The following TAFAZZIN variants were observed in gnomAD, a reference collection of about 807,000 sequenced individuals.
TAFAZZIN encodes the protein tafazzin, phospholipid-lysophospholipid transacylase, also known as protein G4.5.
Under a neutral mutation model 27.3 loss-of-function variants are expected in TAFAZZIN, and 6 were observed. The observed-to-expected ratio is 0.22, with a 90% CI of 0.12 to 0.43. The LOEUF (loss-of-function observed/expected upper bound fraction) is 0.43. Among genes scored for constraint, TAFAZZIN ranks in the 20% least tolerant of loss-of-function variants. The pLI, the probability that TAFAZZIN is intolerant of heterozygous loss-of-function variation, is 1.00. For synonymous variants in TAFAZZIN, 79 were observed against 96.2 expected, an observed-to-expected ratio of 0.82 and a Z score of 1.04; for missense variants, 127 against 244.5, an observed-to-expected ratio of 0.52 and a Z score of 3.21.
rs782704003 is a variant in TAFAZZIN, at chrX:154,419,680, C to T, written c.542-25C>T. 2.6e-5 allele frequency: 31 copies of T among 1,211,077 alleles called. 1 individual carries two copies. The highest frequency in any genetic ancestry group is 2.2e-6 in the Non-Finnish European group (2 of 895,328). Reference sequence around the variant, plus strand: ...AGTATGAGCGGGATGGGCTCCCAAGCCTCGCCTCTGTGCTCTCTCACCAGG... The same window carrying T: ...AGTATGAGCGGGATGGGCTCCCAAGTCTCGCCTCTGTGCTCTCTCACCAGG... On this transcript the variant is annotated intron_variant, in intron 6 of 10. Coordinates refer to ENST00000601016, the MANE Select transcript of TAFAZZIN (RefSeq NM_000116.5).
intron 4 of TAFAZZIN, among the ~76,000 whole-genome samples, chrX:154,413,876 G>A (rs190654426): frequency 6.3e-5 from 7 of 111,595 alleles, no homozygotes; most frequent in Admixed American, 4.7e-4. Flanking sequence ...AGAACAGTGC[G>A]TTGTCATTGG....
intron 4 of TAFAZZIN, among the ~76,000 whole-genome samples, chrX:154,413,831 C>T (rs2068400318): frequency 9.0e-6 from 1 of 111,275 alleles, no homozygotes; most frequent in South Asian, 3.8e-4. Flanking sequence ...TATCCATAAC[C>T]CCTTCTCTCA....
rs782239744 is a variant in TAFAZZIN, at chrX:154,420,178, C to T, written c.647-34C>T. 12 of 1,211,223 alleles carry T rather than the reference C, an allele frequency of 9.9e-6. No homozygotes were observed. The South Asian group carries it at 2.1e-4, about 21-fold the overall frequency. ...TCTGGTCCCAGGCTGCCCTGCTCCA[C>T]CCCACGTCTGGCCTTCTGTCCACTG... On this transcript the variant is annotated intron_variant, in intron 8 of 10. Coordinates refer to ENST00000601016, the MANE Select transcript of TAFAZZIN (RefSeq NM_000116.5).
chrX:154,419,818 G>GC (rs1258269823), intron 7 of TAFAZZIN, 72 bp downstream of exon 7: 4 of 1,185,447 alleles, frequency 3.4e-6, no homozygotes, highest in Non-Finnish European at 4.6e-6. Context: ...CCTGGCTCCC[G>GC]CCCCCTCGGG....
chrX:154,419,626 C>G lies in TAFAZZIN; in HGVS notation c.541+3C>G, dbSNP rs1557193865. On this transcript the variant is annotated splice_donor_region_variant and intron_variant, in intron 6 of 10. Transcript: ENST00000601016. ...CTGGGTGCATATCTTCCCAGAAGGT[C>G]AGCAGGGCTGACTGGGTCGAGCCCC... 1 of 1,212,193 alleles carries G rather than the reference C, an allele frequency of 8.2e-7. No individual in the cohort carries two copies. The highest frequency in any genetic ancestry group is 1.1e-6 in the Non-Finnish European group (1 of 895,488).
chrX:154,411,791 G>T lies in TAFAZZIN; in HGVS notation c.-53G>T. Reference sequence around the variant, plus strand: ...CGGTCGAGGTCGCAGACCTAGAGGCGCCCCACAGGCCGGCCCGGGGCGCTG... The same window carrying T: ...CGGTCGAGGTCGCAGACCTAGAGGCTCCCCACAGGCCGGCCCGGGGCGCTG... On this transcript the variant is annotated 5_prime_UTR_variant, in exon 1 of 11. Coordinates refer to ENST00000601016, the MANE Select transcript of TAFAZZIN (RefSeq NM_000116.5). The T allele has an allele frequency of 9.1e-7, 1 of 1,095,929 alleles. No homozygotes were observed. The highest frequency in any genetic ancestry group is 1.2e-6 in the Non-Finnish European group (1 of 819,678). 90.3% of individuals were successfully genotyped at this position (1,095,929 alleles called of 1,213,427 possible). A position where few individuals can be genotyped will look rare whatever the true frequency, so the allele number is the denominator to read the frequency against.
chrX:154,419,692 GCT>G lies in TAFAZZIN; in HGVS notation c.542-7_542-6del. Reference sequence around the variant, plus strand: ...ATGGGCTCCCAAGCCTCGCCTCTGTGCTCTCTCACCAGGGAAAGTGAACATGA... The same window carrying G: ...ATGGGCTCCCAAGCCTCGCCTCTGTGCTCTCACCAGGGAAAGTGAACATGA... On this transcript the variant is annotated splice_polypyrimidine_tract_variant and intron_variant, in intron 6 of 10. Transcript: ENST00000601016. 8.2e-7 allele frequency: 1 copy of G among 1,212,383 alleles called. No homozygotes were observed. The highest frequency in any genetic ancestry group is 1.1e-6 in the Non-Finnish European group (1 of 895,601).
chrX:154,419,428 G>C (rs1557193745), intron 5 of TAFAZZIN, 115 bp from the exon 6 acceptor site: 10 of 785,542 alleles, frequency 1.3e-5, no homozygotes. Flanking sequence ...CAACACATGG[G>C]CCCCAGGGAG....
In TAFAZZIN at chrX:154,412,227, G is replaced by C; in HGVS notation, c.238+13G>C. ...CCTCATCTCTGGGGTACCCGGGCCA[G>C]TGTGCTGGGCAGGGGGAGGAAAGGC... is the stretch of plus-strand genomic sequence containing the variant. On this transcript the variant is annotated intron_variant, in intron 2 of 10. Coordinates refer to ENST00000601016, the MANE Select transcript of TAFAZZIN (RefSeq NM_000116.5). The C allele has an allele frequency of 8.4e-7, 1 of 1,192,738 alleles. No individual in the cohort carries two copies. The highest frequency in any genetic ancestry group is 1.8e-5 in the South Asian group (1 of 54,757).
chrX:154,414,115 C>T lies in TAFAZZIN; in HGVS notation c.385C>T (p.Gln129Ter), dbSNP rs1557192014. ...TTCCTCTGCAGGAGCAGAATTTTTC[C>T]AAGCAGAGAATGAGGGGAAAGGTGT... ...VPVCRGAEFFQAENEGKGVLD... is the reference protein window; with the variant it reads ...VPVCRGAEFF The change falls in exon 5 of 11, where the codon CAA (glutamine) becomes TAA (stop). Residue 129 changes from glutamine (Q) to a stop codon, truncating the protein, a stop_gained. Transcript: ENST00000601016. LOFTEE classifies it high-confidence loss of function. 8.3e-7 allele frequency: 1 copy of T among 1,207,178 alleles called. No homozygotes were observed. The highest frequency in any genetic ancestry group is 2.2e-5 in the Admixed American group (1 of 45,842).
rs1369377122 is a variant in TAFAZZIN at position 154,419,742 on chromosome X, G to A, written c.579G>A (p.Lys193=). 8.3e-7 allele frequency: 1 copy of A among 1,211,322 alleles called. No individual in the cohort carries two copies. Among genetic ancestry groups the A allele is most frequent in the Non-Finnish European group, 1.1e-6 (1 of 895,437 alleles). The change falls in exon 7 of 11, where the codon AAG becomes AAA. Residue 193 remains lysine (K), a synonymous_variant. Coordinates refer to ENST00000601016, the MANE Select transcript of TAFAZZIN (RefSeq NM_000116.5). ...TGAGTTCCGAATTCCTGCGTTTCAA[G>A]TGGGGTAAGGGCTGCTGGTCTCTGG... ...VNMSSEFLRF[K]WGIGRLIAEC...
chrX:154,418,644 G>A (rs1013505750), intron 5 of TAFAZZIN: 4 of 112,570 alleles, frequency 3.6e-5, no homozygotes, highest in Non-Finnish European at 5.6e-5. Context: ...ATGGTCTCAG[G>A]GTTATCTCCA....
chrX:154,417,698 C>T (rs17432), intron 5 of TAFAZZIN, among the ~76,000 whole-genome samples: 147 of 112,093 alleles, frequency 1.3e-3, no homozygotes, highest in Non-Finnish European at 2.3e-3. Flanking sequence ...CCCCCTGGAG[C>T]GGTTTCTCTT....
intron 5 of TAFAZZIN, among the ~76,000 whole-genome samples, chrX:154,415,897 AAAAAAAAG>A (rs1466464362): frequency 9.3e-6 from 1 of 108,097 alleles, no homozygotes; most frequent in African/African-American, 3.4e-5. Flanking sequence ...AAAAAAAAAA[AAAAAAAAG>A]ATTTTTGTAT....
At chrX:154,419,865 G>T in intron 7 of TAFAZZIN, 119 bp downstream of exon 7, 3 of 1,097,278 alleles carry the variant, frequency 2.7e-6, no homozygotes, top group South Asian at 1.9e-5. Context: ...TGTTTGTAGC[G>T]CCAGGAAGGG....
chrX:154,412,725 G>A (rs957724367), intron 2 of TAFAZZIN: 1 of 186,960 alleles, frequency 5.3e-6, no homozygotes. Flanking sequence ...CCAGATGGCC[G>A]GGTGGAGGGG....
chrX:154,421,093 G>C lies in TAFAZZIN; in HGVS notation c.*89G>C. Reference sequence around the variant, plus strand: ...GCTTTTAGCTCAAACGTGGCTTTTAGACAGATTTGTTCATAGACCCTCTCA... The same window carrying C: ...GCTTTTAGCTCAAACGTGGCTTTTACACAGATTTGTTCATAGACCCTCTCA... On this transcript the variant is annotated 3_prime_UTR_variant, in exon 11 of 11. Coordinates refer to ENST00000601016, the MANE Select transcript of TAFAZZIN (RefSeq NM_000116.5). 1.1e-6 allele frequency: 1 copy of C among 905,602 alleles called. No individual in the cohort carries two copies. The highest frequency in any genetic ancestry group is 1.6e-6 in the Non-Finnish European group (1 of 633,974). 74.6% of individuals were successfully genotyped at this position (905,602 alleles called of 1,213,427 possible).
In TAFAZZIN at chrX:154,421,010, G is replaced by A; in HGVS notation, c.*6G>A. On this transcript the variant is annotated 3_prime_UTR_variant, in exon 11 of 11. Coordinates refer to ENST00000601016, the MANE Select transcript of TAFAZZIN (RefSeq NM_000116.5). ...ACCTCCAGCCTGGGAGATAGGCCTTGCTTGCTGCCTTCTGGATTCTTGGCC... is the reference window on the plus strand; with the variant it reads ...ACCTCCAGCCTGGGAGATAGGCCTTACTTGCTGCCTTCTGGATTCTTGGCC... 1 of 1,200,691 alleles carries A rather than the reference G, an allele frequency of 8.3e-7. No individual in the cohort carries two copies. Among genetic ancestry groups the A allele is most frequent in the Non-Finnish European group, 1.1e-6 (1 of 886,742 alleles).
Position 154,421,106 on chromosome X carries a change from A to G in TAFAZZIN, c.*102A>G. The stretch of plus-strand genomic sequence containing the variant: ...ACGTGGCTTTTAGACAGATTTGTTC[A>G]TAGACCCTCTCAAGTGCCCTCTCCG... On this transcript the variant is annotated 3_prime_UTR_variant, in exon 11 of 11. Transcript: ENST00000601016. 1.3e-6 allele frequency: 1 copy of G among 782,413 alleles called. No individual in the cohort carries two copies. 64.5% of individuals were successfully genotyped at this position (782,413 alleles called of 1,213,427 possible). A position where few individuals can be genotyped will look rare whatever the true frequency, so the allele number is the denominator to read the frequency against.
Sources: gnomAD v4.1 joint callset for allele counts (sites outside exome capture counted in the v4.1 genomes callset) on GRCh38, gnomAD v4.1.1 for gene constraint, MANE v1.5 for transcripts, NCBI Gene and HGNC (gene_info 2026-07-23, HGNC 2026-07-21) for gene names.